The following ACTL8 variants were observed in gnomAD, a reference collection of about 807,000 sequenced individuals.
ACTL8 encodes actin-like protein 8.
In ACTL8, 3 loss-of-function variants were observed where a neutral mutation model predicts 9.3. That is an observed-to-expected ratio of 0.32 (90% CI 0.15 to 0.83). The LOEUF is 0.83. ACTL8 is among the 40% of genes least tolerant of loss of function. ACTL8 has a pLI of 0.57. For synonymous variants in ACTL8, 224 were observed against 205.9 expected, an observed-to-expected ratio of 1.09 and a Z score of -0.75; for missense variants, 381 against 492.2, an observed-to-expected ratio of 0.77 and a Z score of 2.14.
intron 1 of ACTL8, among the ~76,000 whole-genome samples, chr1:17,773,332 C>A (rs183057232): frequency 2.9e-4 from 44 of 152,346 alleles, no homozygotes; most frequent in African/African-American, 9.6e-4. Flanking sequence ...CTGTGCCTTG[C>A]TCTGTGAGCT....
chr1:17,773,584 C>G (rs1054720152), intron 1 of ACTL8, among the ~76,000 whole-genome samples: 1 of 152,126 alleles, frequency 6.6e-6, no homozygotes, highest in Non-Finnish European at 1.5e-5. Context: ...CCAGAGTGCC[C>G]GGTTCTGTCC....
intron 1 of ACTL8, among the ~76,000 whole-genome samples, chr1:17,801,372 T>G (rs1432604648): frequency 6.6e-6 from 1 of 152,214 alleles, no homozygotes; most frequent in African/African-American, 2.4e-5. Flanking sequence ...AACAAACTGT[T>G]AAACATCTAT....
chr1:17,756,765 C>T (rs78061116), intron 1 of ACTL8, among the ~76,000 whole-genome samples: 3,753 of 152,134 alleles, frequency 0.025, 156 homozygotes, highest in African/African-American at 0.086. Flanking sequence ...GTGCTAGTTA[C>T]CCAAGGCATG....
At chr1:17,817,107 C>T (rs938450124) in intron 1 of ACTL8, among the ~76,000 whole-genome samples, 8 of 150,094 alleles carry the variant, frequency 5.3e-5, no homozygotes, top group African/African-American at 2.0e-4. Context: ...ATTTTTAGTC[C>T]TACTCAGTAG....
intron 1 of ACTL8, among the ~76,000 whole-genome samples, chr1:17,821,769 C>T (rs753216278): frequency 6.6e-6 from 1 of 152,192 alleles, no homozygotes; most frequent in Non-Finnish European, 1.5e-5. Context: ...GCTGGGATTA[C>T]AGGCGCACTA....
At chr1:17,799,978 GT>G (rs1277561275) in intron 1 of ACTL8, among the ~76,000 whole-genome samples, 3 of 152,140 alleles carry the variant, frequency 2.0e-5, no homozygotes, top group African/African-American at 7.2e-5. Flanking sequence ...TGTCTTAGCC[GT>G]TTCTATTGCT....
intron 1 of ACTL8, among the ~76,000 whole-genome samples, chr1:17,819,341 C>T (rs2053627909): frequency 2.0e-5 from 3 of 152,160 alleles, no homozygotes; most frequent in Non-Finnish European, 1.5e-5. Context: ...AGGCAGGAGG[C>T]CCGGTCACCA....
chr1:17,782,774 G>A (rs2066165930), intron 1 of ACTL8, among the ~76,000 whole-genome samples: 1 of 152,106 alleles, frequency 6.6e-6, no homozygotes, highest in African/African-American at 2.4e-5. Context: ...CTTCTATAGG[G>A]GAAAGTACGC....
At chr1:17,764,026 T>G (rs7544764) in intron 1 of ACTL8, among the ~76,000 whole-genome samples, 5,782 of 150,778 alleles carry the variant, frequency 0.038, 373 homozygotes, top group African/African-American at 0.13. Flanking sequence ...CAGACAAGAA[T>G]AGCAAAGGTT....
intron 1 of ACTL8, among the ~76,000 whole-genome samples, chr1:17,798,078 G>C (rs1032137972): frequency 2.6e-5 from 4 of 151,290 alleles, no homozygotes; most frequent in African/African-American, 9.7e-5. Context: ...TCTTCAGTCT[G>C]GGGGCACCTG....
At chr1:17,790,444 G>A (rs1407562768) in intron 1 of ACTL8, among the ~76,000 whole-genome samples, 1 of 152,206 alleles carries the variant, frequency 6.6e-6, no homozygotes, top group Admixed American at 6.5e-5. Context: ...AAGACGAAGA[G>A]GAGCTTTATT....
intron 1 of ACTL8, among the ~76,000 whole-genome samples, chr1:17,770,583 C>G (rs2066075943): frequency 6.6e-6 from 1 of 152,188 alleles, no homozygotes; most frequent in South Asian, 2.1e-4. Context: ...TAAGGGTGGG[C>G]TTGGGAAAGA....
At chr1:17,810,321 C>T (rs77311495) in intron 1 of ACTL8, among the ~76,000 whole-genome samples, 21 of 152,256 alleles carry the variant, frequency 1.4e-4, no homozygotes, top group East Asian at 1.9e-4. Flanking sequence ...CCTTTTCTAT[C>T]GACACATGCT....
At chr1:17,812,427 C>CTTTTT (rs141182523) in intron 1 of ACTL8, among the ~76,000 whole-genome samples, 16 of 122,418 alleles carry the variant, frequency 1.3e-4, no homozygotes, top group South Asian at 2.6e-4. Flanking sequence ...ATTTTTTTTC[C>CTTTTT]TTTTTTTTTT....
intron 1 of ACTL8, among the ~76,000 whole-genome samples, chr1:17,822,401 C>T (rs1054198505): frequency 2.6e-5 from 4 of 152,186 alleles, no homozygotes; most frequent in South Asian, 2.1e-4. Flanking sequence ...ACAGTTTTAC[C>T]TAGTCCAACC....
At chr1:17,766,657 C>T (rs973812508) in intron 1 of ACTL8, among the ~76,000 whole-genome samples, 12 of 152,126 alleles carry the variant, frequency 7.9e-5, no homozygotes, top group African/African-American at 2.9e-4. Context: ...CCCCACTTTA[C>T]AGATGAGGAA....
chr1:17,802,192 C>T (rs114874568), intron 1 of ACTL8, among the ~76,000 whole-genome samples: 1 of 152,332 alleles, frequency 6.6e-6, no homozygotes, highest in African/African-American at 2.4e-5. Context: ...GCTTTTGCAG[C>T]TCAAATCCTC....
At chr1:17,804,998 A>G (rs1367637052) in intron 1 of ACTL8, among the ~76,000 whole-genome samples, 4 of 152,132 alleles carry the variant, frequency 2.6e-5, no homozygotes, top group Non-Finnish European at 5.9e-5. Context: ...CTCTCTGCTC[A>G]GAAACCTTCA....
intron 2 of ACTL8, among the ~76,000 whole-genome samples, chr1:17,824,250 C>T (rs1178868007): frequency 6.6e-6 from 1 of 152,138 alleles, no homozygotes; most frequent in African/African-American, 2.4e-5. Flanking sequence ...TCCGGCCCAC[C>T]ACCTATTTTG....
Sources: gnomAD v4.1 joint callset for allele counts (sites outside exome capture counted in the v4.1 genomes callset) on GRCh38, gnomAD v4.1.1 for gene constraint, MANE v1.5 for transcripts, NCBI Gene and HGNC (gene_info 2026-07-23, HGNC 2026-07-21) for gene names.